IMMP2L: variants seen among roughly 807,000 people sequenced by gnomAD.
IMMP2L encodes the protein inner mitochondrial membrane peptidase subunit 2, also known as mitochondrial inner membrane protease subunit 2.
Under a neutral mutation model 19.3 loss-of-function variants are expected in IMMP2L, and 18 were observed. That is an observed-to-expected ratio of 0.93 (90% CI 0.64 to 1.38). The LOEUF (loss-of-function observed/expected upper bound fraction) is 1.38. Among genes scored for constraint, IMMP2L ranks in the 40% most tolerant of loss-of-function variants. The probability of loss-of-function intolerance (pLI) is 0.00; values close to 1 mark genes in which losing one functional copy is unlikely to be tolerated. For missense variants in IMMP2L, 233 were observed against 218.2 expected (o/e 1.07, Z -0.43); for synonymous variants, 76 against 73.0 (o/e 1.04, Z -0.21).
At chr7:110,906,501 G>A (rs117224178) in intron 4 of IMMP2L, among the ~76,000 whole-genome samples, 300 of 152,268 alleles carry the variant, frequency 2.0e-3, no homozygotes, top group Non-Finnish European at 3.7e-3. Flanking sequence ...TAGTGAATAC[G>A]AGGTTGGAAA....
At chr7:110,724,100 A>G (rs916807463) in intron 5 of IMMP2L, 1 of 152,196 alleles carries the variant, frequency 6.6e-6, no homozygotes, top group African/African-American at 2.4e-5. Flanking sequence ...CTCTCAAAAT[A>G]TTGTAGAACA....
intron 3 of IMMP2L, among the ~76,000 whole-genome samples, chr7:111,189,373 G>A (rs1375086862): frequency 3.4e-5 from 5 of 145,232 alleles, no homozygotes; most frequent in South Asian, 2.2e-4. Flanking sequence ...CTTTTTTAAT[G>A]AAAAAAAAAA....
intron 3 of IMMP2L, among the ~76,000 whole-genome samples, chr7:111,334,151 A>G (rs1483467605): frequency 6.6e-6 from 1 of 151,936 alleles, no homozygotes; most frequent in Non-Finnish European, 1.5e-5. Context: ...ACCATTTTTA[A>G]GTGTATAATT....
chr7:111,395,541 T>C (rs1832779858), intron 3 of IMMP2L, among the ~76,000 whole-genome samples: 1 of 152,202 alleles, frequency 6.6e-6, no homozygotes, highest in African/African-American at 2.4e-5. Flanking sequence ...GTACAAAATT[T>C]CTAAAAGTGA....
intron 3 of IMMP2L, among the ~76,000 whole-genome samples, chr7:111,296,909 T>C (rs370469354): frequency 2.6e-5 from 4 of 152,032 alleles, no homozygotes; most frequent in East Asian, 1.9e-4. Flanking sequence ...ATCAAAGGCA[T>C]TGCACTGAGT....
intron 3 of IMMP2L, among the ~76,000 whole-genome samples, chr7:111,156,493 T>A (rs536224315): frequency 6.6e-6 from 1 of 152,128 alleles, no homozygotes; most frequent in Non-Finnish European, 1.5e-5. Flanking sequence ...GGCGTTTGCA[T>A]TTCTCCCACA....
intron 5 of IMMP2L, among the ~76,000 whole-genome samples, chr7:110,832,715 C>G (rs1055492321): frequency 1.3e-5 from 2 of 151,960 alleles, no homozygotes; most frequent in Non-Finnish European, 2.9e-5. Context: ...ACAAGTACCA[C>G]CAAGAAACTT....
At chr7:111,050,323 A>C (rs1035587966) in intron 3 of IMMP2L, among the ~76,000 whole-genome samples, 1 of 152,166 alleles carries the variant, frequency 6.6e-6, no homozygotes, top group Non-Finnish European at 1.5e-5. Context: ...CCCCCTTCTG[A>C]AACTTGGGAG....
chr7:111,497,821 A>C (rs78529918), intron 2 of IMMP2L, among the ~76,000 whole-genome samples: 9,354 of 151,938 alleles, frequency 0.062, 349 homozygotes, highest in Middle Eastern at 0.095. Context: ...GGTGATATTA[A>C]ATAAACTAAT....
At chr7:111,478,371 C>T (rs1164277953) in intron 3 of IMMP2L, among the ~76,000 whole-genome samples, 1 of 152,030 alleles carries the variant, frequency 6.6e-6, no homozygotes, top group African/African-American at 2.4e-5. Flanking sequence ...CTTTTCATCA[C>T]TTTAAAAAAA....
At chr7:110,935,666 G>A (rs1816020384) in intron 4 of IMMP2L, among the ~76,000 whole-genome samples, 1 of 151,864 alleles carries the variant, frequency 6.6e-6, no homozygotes, top group Non-Finnish European at 1.5e-5. Context: ...AGCTACTACT[G>A]TTGACTTTCT....
At chr7:111,274,085 A>C (rs2130390436) in intron 3 of IMMP2L, among the ~76,000 whole-genome samples, 1 of 152,214 alleles carries the variant, frequency 6.6e-6, no homozygotes, top group South Asian at 2.1e-4. Flanking sequence ...TATTACTTCC[A>C]TCTGGGTTTT....
intron 3 of IMMP2L, among the ~76,000 whole-genome samples, chr7:111,474,035 T>C (rs1841503057): frequency 6.6e-6 from 1 of 152,110 alleles, no homozygotes; most frequent in Non-Finnish European, 1.5e-5. Context: ...TGAACGCAGA[T>C]GGAGGCCATT....
At chr7:111,402,312 T>G (rs889955784) in intron 3 of IMMP2L, among the ~76,000 whole-genome samples, 4 of 152,034 alleles carry the variant, frequency 2.6e-5, no homozygotes, top group Non-Finnish European at 5.9e-5. Flanking sequence ...AATATCAAGT[T>G]TCCTTATTCA....
intron 3 of IMMP2L, among the ~76,000 whole-genome samples, chr7:111,475,976 A>G (rs1233209967): frequency 6.6e-6 from 1 of 152,110 alleles, no homozygotes; most frequent in Non-Finnish European, 1.5e-5. Flanking sequence ...CTCCAACTTT[A>G]AAACTATGCA....
intron 3 of IMMP2L, among the ~76,000 whole-genome samples, chr7:111,180,287 C>T (rs1021219100): frequency 6.6e-6 from 1 of 151,966 alleles, no homozygotes. Flanking sequence ...CTCGTTCTTT[C>T]TCTTGGACAC....
chr7:111,461,294 T>C (rs373823910), intron 3 of IMMP2L, among the ~76,000 whole-genome samples: 8 of 152,010 alleles, frequency 5.3e-5, no homozygotes, highest in East Asian at 3.8e-4. Flanking sequence ...ATAATACAGA[T>C]TGGGGAAGCA....
chr7:111,150,704 T>C (rs912716659), intron 3 of IMMP2L, among the ~76,000 whole-genome samples: 1 of 152,332 alleles, frequency 6.6e-6, no homozygotes, highest in African/African-American at 2.4e-5. Context: ...TATGTAAGTG[T>C]GTCTACAGAT....
chr7:110,675,533 T>C (rs1347678740), intron 5 of IMMP2L, among the ~76,000 whole-genome samples: 1 of 152,192 alleles, frequency 6.6e-6, no homozygotes, highest in Non-Finnish European at 1.5e-5. Context: ...CGTAATGAGA[T>C]TTTGAAAACA....
Sources: allele counts gnomAD v4.1 joint callset (sites outside exome capture counted in the v4.1 genomes callset), GRCh38; gene constraint gnomAD v4.1.1; transcripts MANE v1.5; gene names NCBI Gene and HGNC (gene_info 2026-07-23, HGNC 2026-07-21).